Variants in AKAP6 observed in about 807,000 individuals in gnomAD.
AKAP6 encodes the protein A-kinase anchoring protein 6.
A neutral mutation model predicts 188.5 loss-of-function variants in AKAP6; 58 were observed. The ratio of observed to expected loss-of-function variants is 0.31; its 90% confidence interval spans 0.25 to 0.38. AKAP6 has a LOEUF of 0.38. AKAP6 is among the 10% of genes least tolerant of loss of function. The pLI is 1.00. For synonymous variants in AKAP6, 989 were observed against 998.6 expected (o/e 0.99, Z 0.18); for missense variants, 2,710 against 2,740.0 (o/e 0.99, Z 0.24).
intron 7 of AKAP6, among the ~76,000 whole-genome samples, chr14:32,674,716 G>A (rs562767391): frequency 3.5e-4 from 53 of 152,280 alleles, no homozygotes; most frequent in Admixed American, 5.9e-4. Flanking sequence ...CCCAAGTAGC[G>A]ATGTCAGGTG....
At chr14:32,551,911 C>T (rs1278461217) in intron 4 of AKAP6, among the ~76,000 whole-genome samples, 4 of 152,042 alleles carry the variant, frequency 2.6e-5, no homozygotes, top group Admixed American at 6.5e-5. Flanking sequence ...TGTGATCCGC[C>T]GGCCTCGGCC....
chr14:32,556,924 T>C (rs573263293), intron 4 of AKAP6, among the ~76,000 whole-genome samples: 13 of 152,174 alleles, frequency 8.5e-5, no homozygotes, highest in Non-Finnish European at 1.3e-4. Flanking sequence ...TCTCTCTCTT[T>C]TTTTTTTAAA....
chr14:32,499,562 G>A (rs1880499954), intron 2 of AKAP6, among the ~76,000 whole-genome samples: 1 of 151,786 alleles, frequency 6.6e-6, no homozygotes, highest in Non-Finnish European at 1.5e-5. Flanking sequence ...AGATAAATAT[G>A]GTAGATAATA....
chr14:32,425,271 T>G (rs1889992118), intron 1 of AKAP6, among the ~76,000 whole-genome samples: 1 of 152,202 alleles, frequency 6.6e-6, no homozygotes, highest in African/African-American at 2.4e-5. Flanking sequence ...TTCATATGAT[T>G]GTTGGCCACA....
chr14:32,669,849 C>T (rs527692435), intron 7 of AKAP6, among the ~76,000 whole-genome samples: 6 of 152,188 alleles, frequency 3.9e-5, no homozygotes, highest in South Asian at 2.1e-4. Flanking sequence ...GTAATCCCAG[C>T]GGTTTGGGAG....
At position 32,337,830 on chromosome 14, in the gene AKAP6, G is replaced by T. The variant is rs10151233; in HGVS notation, c.-35+8422G>T. Among the ~76,000 whole-genome samples, 4 of 151,424 alleles carry T rather than the reference G, an allele frequency of 2.6e-5. No homozygotes were observed. The East Asian group carries it at 7.9e-4, about 30-fold the overall frequency. ...AACTGAAAATAAGTTGAAAGGCAGA[G>T]GATGGAGAAAAAGATAACATAACCA... is the stretch of plus-strand genomic sequence containing the variant. On this transcript the variant is annotated intron_variant, in intron 1 of 13. Coordinates refer to ENST00000280979, the MANE Select transcript of AKAP6 (RefSeq NM_004274.5).
chr14:32,497,787 T>G (rs538641345), intron 2 of AKAP6, among the ~76,000 whole-genome samples: 13 of 152,172 alleles, frequency 8.5e-5, no homozygotes, highest in African/African-American at 2.9e-4. Context: ...TGAAGTTCTT[T>G]CAGTTTTTGC....
At chr14:32,730,458 A>G (rs544406517) in intron 9 of AKAP6, among the ~76,000 whole-genome samples, 92 of 152,142 alleles carry the variant, frequency 6.0e-4, no homozygotes, top group Non-Finnish European at 1.0e-3. Context: ...ATTGCTTTTT[A>G]TATTTTTATT....
intron 1 of AKAP6, among the ~76,000 whole-genome samples, chr14:32,415,622 A>G (rs1440046787): frequency 2.6e-5 from 4 of 152,128 alleles, no homozygotes; most frequent in African/African-American, 9.7e-5. Flanking sequence ...CATCACCACC[A>G]TTTATCTTCA....
intron 9 of AKAP6, among the ~76,000 whole-genome samples, 185 bp from the exon 10 acceptor site, chr14:32,732,269 G>A (rs1251122192): frequency 6.6e-6 from 1 of 151,928 alleles, no homozygotes; most frequent in African/African-American, 2.4e-5. Context: ...GTGTGTGTGT[G>A]TGTGTGTATA....
rs939835150 is a variant in AKAP6 at position 32,505,092 on chromosome 14, T to A, written c.325-30462T>A. Among the ~76,000 whole-genome samples the A allele has an allele frequency of 2.0e-5, 3 of 152,128 alleles. No individual in the cohort carries two copies. In the East Asian group the frequency reaches 5.8e-4, roughly 29 times the overall value. ...AGGGAGGAGCACTGAATATTAGAAA[T>A]GAAGAGTACAATCTACTATAACCTC... On this transcript the variant is annotated intron_variant, in intron 2 of 13. Transcript: ENST00000280979.
intron 1 of AKAP6, among the ~76,000 whole-genome samples, chr14:32,369,668 G>A (rs1186034107): frequency 1.3e-5 from 2 of 152,106 alleles, no homozygotes; most frequent in Non-Finnish European, 2.9e-5. Context: ...TCCATTTTAA[G>A]CACTGAGTTT....
chr14:32,442,640 T>TAA lies in AKAP6; in HGVS notation c.324+8837_324+8838dup, dbSNP rs5807659. ...AGCAACATAGCAAGATCCCGTCTCT[T>TAA]AAAAAAAAAAAAAAATTCTGGTTTT... On this transcript the variant is annotated intron_variant, in intron 2 of 13. Coordinates refer to ENST00000280979, the MANE Select transcript of AKAP6 (RefSeq NM_004274.5). 1.1e-3 allele frequency: 156 copies of TAA among 147,444 alleles called. 1 individual carries two copies. Among genetic ancestry groups the TAA allele is most frequent in the Middle Eastern group, 7.0e-3 (2 of 284 alleles). 9.1% of individuals were successfully genotyped at this position (147,444 alleles called of 1,614,324 possible).
rs1457684152 is a variant in AKAP6, at chr14:32,600,726, C to T, written c.2664C>T (p.Thr888=). The T allele has an allele frequency of 6.2e-7, 1 of 1,613,424 alleles. No individual in the cohort carries two copies. Among genetic ancestry groups the T allele is most frequent in the Non-Finnish European group, 8.5e-7 (1 of 1,179,728 alleles). The change falls in exon 7 of 14, where the codon ACC becomes ACT. Residue 888 remains threonine (T), a synonymous_variant. Transcript: ENST00000280979. ...GCTGGATTCTCAGGGCTCTGGATAC[C>T]ATCAAAGCCGAGATACTGGCTACTG... The part of the protein sequence containing the change: ...QHSWILRALD[T]IKAEILATDV...
chr14:32,422,774 A>G (rs1350480823), intron 1 of AKAP6, among the ~76,000 whole-genome samples: 1 of 152,146 alleles, frequency 6.6e-6, no homozygotes, highest in Non-Finnish European at 1.5e-5. Flanking sequence ...CACTTGGGAA[A>G]TGCCAGCTCC....
intron 2 of AKAP6, among the ~76,000 whole-genome samples, chr14:32,491,267 C>T (rs1003724579): frequency 5.3e-5 from 8 of 152,192 alleles, no homozygotes; most frequent in Non-Finnish European, 1.2e-4. Flanking sequence ...TACCAAATTA[C>T]GTCTATTTTA....
At chr14:32,793,015 A>G (rs551407208) in intron 12 of AKAP6, among the ~76,000 whole-genome samples, 2 of 152,298 alleles carry the variant, frequency 1.3e-5, no homozygotes, top group South Asian at 2.1e-4. Context: ...CTTACAAAAG[A>G]TCTTGAAGGA....
intron 7 of AKAP6, among the ~76,000 whole-genome samples, chr14:32,662,892 C>T (rs988167375): frequency 6.6e-6 from 1 of 152,018 alleles, no homozygotes; most frequent in African/African-American, 2.4e-5. Flanking sequence ...TTTTACTTGG[C>T]ATTTTTTCCT....
intron 5 of AKAP6, among the ~76,000 whole-genome samples, chr14:32,585,872 T>G (rs954204038): frequency 1.3e-5 from 2 of 152,012 alleles, no homozygotes; most frequent in Admixed American, 6.6e-5. Flanking sequence ...TGGTGAGCCA[T>G]GTGGTGTAGC....
Sources: gnomAD v4.1 joint callset for allele counts (sites outside exome capture counted in the v4.1 genomes callset) on GRCh38, gnomAD v4.1.1 for gene constraint, MANE v1.5 for transcripts, NCBI Gene and HGNC (gene_info 2026-07-23, HGNC 2026-07-21) for gene names.